The following UBE3C variants were observed in gnomAD, a reference collection of about 807,000 sequenced individuals.
UBE3C encodes the protein ubiquitin protein ligase E3C.
Under a neutral mutation model 129.4 loss-of-function variants are expected in UBE3C, and 42 were observed. The ratio of observed to expected loss-of-function variants is 0.32; its 90% CI spans 0.25 to 0.42. The LOEUF (loss-of-function observed/expected upper bound fraction) is 0.42, where lower values mean the gene tolerates loss of function less well. UBE3C is among the 10% of genes least tolerant of loss of function. The pLI is 1.00. For synonymous variants in UBE3C, 510 were observed against 492.4 expected (o/e 1.04, Z -0.47); for missense variants, 1,049 against 1,319.1 (o/e 0.80, Z 3.17).
At chr7:157,220,604 C>A in intron 14 of UBE3C, 85 bp from the exon 15 acceptor site, 1 of 1,510,816 alleles carries the variant, frequency 6.6e-7, no homozygotes, top group South Asian at 1.2e-5. Flanking sequence ...AGAGAAATGT[C>A]CAGCACCAAT....
At chr7:157,159,727 C>T (rs897462080) in intron 1 of UBE3C, among the ~76,000 whole-genome samples, 5 of 152,076 alleles carry the variant, frequency 3.3e-5, no homozygotes, top group African/African-American at 1.2e-4. Context: ...AACAGCCGAG[C>T]GTGGTGGCAC....
Position 157,181,683 on chromosome 7 carries a change from A to G in UBE3C, c.770+12A>G. ...CCGGAAGGTGCGAGGTGAGACTGGAATGGATTTATTGATTTTGTCCTTTCA... is the reference window on the plus strand; with the variant it reads ...CCGGAAGGTGCGAGGTGAGACTGGAGTGGATTTATTGATTTTGTCCTTTCA... On this transcript the variant is annotated intron_variant, in intron 7 of 22. Coordinates refer to ENST00000348165, the MANE Select transcript of UBE3C (RefSeq NM_014671.3). The G allele has an allele frequency of 1.9e-6, 3 of 1,611,182 alleles. No individual in the cohort carries two copies. Among genetic ancestry groups the G allele is most frequent in the Non-Finnish European group, 2.5e-6 (3 of 1,179,376 alleles).
At chr7:157,264,700 T>C (rs945548779) in intron 22 of UBE3C, among the ~76,000 whole-genome samples, 2 of 152,128 alleles carry the variant, frequency 1.3e-5, no homozygotes, top group Admixed American at 1.3e-4. Flanking sequence ...TCCCGAGTAA[T>C]TGGAATTATT....
chr7:157,257,870 A>C (rs1292857658), intron 22 of UBE3C, among the ~76,000 whole-genome samples: 5 of 151,526 alleles, frequency 3.3e-5, no homozygotes, highest in African/African-American at 1.2e-4. Flanking sequence ...ATAGAATAAT[A>C]TATAATTAGA....
intron 1 of UBE3C, among the ~76,000 whole-genome samples, chr7:157,142,562 A>G (rs895564850): frequency 1.3e-5 from 2 of 152,190 alleles, no homozygotes; most frequent in Admixed American, 6.5e-5. Flanking sequence ...AAGGCATTCC[A>G]GGTTCGTGGA....
intron 19 of UBE3C, among the ~76,000 whole-genome samples, chr7:157,252,892 G>C (rs538439265): frequency 6.6e-6 from 1 of 152,306 alleles, no homozygotes; most frequent in South Asian, 2.1e-4. Flanking sequence ...TGCAGTTGGG[G>C]TGTTTTTGTT....
Position 157,160,971 on chromosome 7 carries a change from A to G in UBE3C, c.67-2839A>G, listed in dbSNP as rs551080374. On this transcript the variant is annotated intron_variant, in intron 1 of 22. Coordinates refer to ENST00000348165, the MANE Select transcript of UBE3C (RefSeq NM_014671.3). ...ATTTCGTAACCTTACTGTAATCATG[A>G]GAGTATTGGAAAAACCCAAATTGAG... 2.6e-5 allele frequency among the ~76,000 whole-genome samples: 4 copies of G among 152,320 alleles called. No individual in the cohort carries two copies. In the South Asian group the frequency reaches 8.3e-4, roughly 32 times the overall value.
At chr7:157,175,101 T>C in intron 5 of UBE3C, 67 bp downstream of exon 5, 1 of 1,175,080 alleles carries the variant, frequency 8.5e-7, no homozygotes, top group Non-Finnish European at 1.2e-6. Flanking sequence ...GGAACACCTT[T>C]TGACTTTTAT....
At chr7:157,202,116 T>C (rs1333193616) in intron 11 of UBE3C, among the ~76,000 whole-genome samples, 1 of 152,190 alleles carries the variant, frequency 6.6e-6, no homozygotes, top group African/African-American at 2.4e-5. Flanking sequence ...TTACTCCTCT[T>C]TTCACAGTGA....
At chr7:157,220,958 C>G (rs1795721449) in intron 15 of UBE3C, 182 bp downstream of exon 15, 2 of 587,028 alleles carry the variant, frequency 3.4e-6, no homozygotes, top group Non-Finnish European at 5.8e-6. Context: ...GCGGCCACCT[C>G]TTCAGCAGCC....
chr7:157,204,201 A>G (rs1271077294), intron 11 of UBE3C, among the ~76,000 whole-genome samples: 1 of 152,146 alleles, frequency 6.6e-6, no homozygotes, highest in Admixed American at 6.6e-5. Flanking sequence ...AATAAAGTTT[A>G]AAATGAAATA....
intron 1 of UBE3C, among the ~76,000 whole-genome samples, chr7:157,154,753 C>G (rs779737123): frequency 9.2e-5 from 14 of 152,090 alleles, no homozygotes; most frequent in Non-Finnish European, 1.8e-4. Context: ...CATTTTTTCT[C>G]TAGTCAAGTG....
At chr7:157,226,719 CT>C (rs142300323) in intron 17 of UBE3C, among the ~76,000 whole-genome samples, 558 of 142,292 alleles carry the variant, frequency 3.9e-3, no homozygotes, top group Middle Eastern at 7.1e-3. Flanking sequence ...CTATTTCAAG[CT>C]TTTTTTTTTT....
Position 157,163,767 on chromosome 7 carries a change from T to A in UBE3C, c.67-43T>A, listed in dbSNP as rs542544781. On this transcript the variant is annotated intron_variant, in intron 1 of 22. Transcript: ENST00000348165. ...AATTTTTGTATGGGAGTTTTAAAAT[T>A]GAAATTATAACCTTACCTCCTTTTT... 4.5e-5 allele frequency: 72 copies of A among 1,590,708 alleles called. No individual in the cohort carries two copies. In the South Asian group the frequency reaches 7.7e-4, roughly 17 times the overall value.
chr7:157,222,845 C>T (rs910197427), intron 15 of UBE3C: 7 of 201,538 alleles, frequency 3.5e-5, no homozygotes, highest in Admixed American at 5.6e-5. Flanking sequence ...CATGCACACA[C>T]GCCTGGTCTG....
intron 1 of UBE3C, among the ~76,000 whole-genome samples, chr7:157,160,263 C>CG (rs1378909563): frequency 5.3e-5 from 8 of 152,104 alleles, no homozygotes; most frequent in African/African-American, 9.6e-5. Context: ...TTAGTAGAGA[C>CG]GGGGTTCCAC....
At chr7:157,267,237 C>G (rs906468672) in intron 22 of UBE3C, among the ~76,000 whole-genome samples, 1 of 152,120 alleles carries the variant, frequency 6.6e-6, no homozygotes, top group Admixed American at 6.5e-5. Flanking sequence ...TCCTGGCCAA[C>G]GTGGTGAAAC....
In UBE3C at chr7:157,269,359, T is replaced by G. The variant is rs949554144; in HGVS notation, c.*1604T>G. On this transcript the variant is annotated 3_prime_UTR_variant, in exon 23 of 23. Coordinates refer to ENST00000348165, the MANE Select transcript of UBE3C (RefSeq NM_014671.3). ...ATGGCTAAACATTTACATTAAATGT[T>G]TTTTTTCCCAAGATTGTGTTGGAGT... The G allele has an allele frequency of 7.2e-5, 11 of 152,252 alleles. No homozygotes were observed. Among genetic ancestry groups the G allele is most frequent in the Admixed American group, 5.9e-4 (9 of 15,282 alleles). 9.4% of individuals were successfully genotyped at this position (152,252 alleles called of 1,614,324 possible).
chr7:157,155,889 C>T (rs1316049014), intron 1 of UBE3C, among the ~76,000 whole-genome samples: 1 of 151,900 alleles, frequency 6.6e-6, no homozygotes, highest in African/African-American at 2.4e-5. Context: ...GGACGATGGC[C>T]TCGGTCGTTT....
Sources: allele counts gnomAD v4.1 joint callset (sites outside exome capture counted in the v4.1 genomes callset), GRCh38; gene constraint gnomAD v4.1.1; transcripts MANE v1.5; gene names NCBI Gene and HGNC (gene_info 2026-07-23, HGNC 2026-07-21).